ACTA2: variants seen among roughly 807,000 people sequenced by gnomAD.
ACTA2 encodes actin alpha 2, smooth muscle, also known as actin, aortic smooth muscle.
Under a neutral mutation model 39.5 loss-of-function variants are expected in ACTA2, and 12 were observed. That is an observed-to-expected ratio of 0.30 (90% CI 0.19 to 0.49). The LOEUF is 0.49. Among genes scored for constraint, ACTA2 ranks in the 20% least tolerant of loss-of-function variants. ACTA2 has a pLI of 0.99. For missense variants in ACTA2, 236 were observed against 498.8 expected, an observed-to-expected ratio of 0.47 and a Z score of 5.02; for synonymous variants, 158 against 180.6, an observed-to-expected ratio of 0.88 and a Z score of 1.00.
Position 88,938,106 on chromosome 10 carries a change from C to T in ACTA2, c.945G>A (p.Met315Ile), listed in dbSNP as rs746764871. 1.9e-6 allele frequency: 3 copies of T among 1,614,042 alleles called. No homozygotes were observed. The highest frequency in any genetic ancestry group is 1.1e-5 in the South Asian group (1 of 91,084). The change falls in exon 8 of 9, where the codon ATG becomes ATA. Residue 315 changes from methionine to isoleucine, a missense_variant. Transcript: ENST00000224784. Reference sequence around the variant, plus strand: ...GTGCTAGGGCCGTGATCTCCTTCTGCATTCGGTCGGCAATGCCAGGGTACA... The same window carrying T: ...GTGCTAGGGCCGTGATCTCCTTCTGTATTCGGTCGGCAATGCCAGGGTACA... Reference protein sequence around the residue: ...TTMYPGIADRMQKEITALAPS... With the variant: ...TTMYPGIADRIQKEITALAPS...
chr10:88,935,654 T>A (rs41284106), intron 8 of ACTA2: 1 of 376,346 alleles, frequency 2.7e-6, no homozygotes, highest in Non-Finnish European at 5.1e-6. Flanking sequence ...AATCCAGCCA[T>A]GGCCCCCACT....
At chr10:88,986,776 G>A (rs1926200) in intron 1 of ACTA2, among the ~76,000 whole-genome samples, 83,480 of 151,924 alleles carry the variant, frequency 0.55, 24,472 homozygotes, top group African/African-American at 0.77. Context: ...GGAAGTAGTG[G>A]AGGAAGGAAG....
At chr10:88,968,043 T>C (rs1246277853) in intron 1 of ACTA2, among the ~76,000 whole-genome samples, 11 of 152,200 alleles carry the variant, frequency 7.2e-5, no homozygotes, top group Non-Finnish European at 1.6e-4. Flanking sequence ...TAGAGTTTTC[T>C]ACTTGTGACC....
At chr10:88,949,934 A>T (rs1421824487) in intron 1 of ACTA2, among the ~76,000 whole-genome samples, 2 of 152,186 alleles carry the variant, frequency 1.3e-5, no homozygotes, top group African/African-American at 4.8e-5. Flanking sequence ...CTTTGGTAAT[A>T]AAACAAAATT....
intron 1 of ACTA2, among the ~76,000 whole-genome samples, chr10:88,988,911 A>G (rs1432775276): frequency 6.6e-6 from 1 of 152,188 alleles, no homozygotes. Context: ...TGACCATGAA[A>G]CATATGTCTC....
chr10:88,956,967 A>G (rs1846147595), upstream of ACTA2, among the ~76,000 whole-genome samples: 1 of 152,226 alleles, frequency 6.6e-6, no homozygotes, highest in Non-Finnish European at 1.5e-5. Flanking sequence ...TAATCCATTC[A>G]TGGAGGTGGA....
At chr10:88,974,234 G>A (rs1846513524) in intron 1 of ACTA2, 1 of 150,988 alleles carries the variant, frequency 6.6e-6, no homozygotes, top group Admixed American at 6.6e-5. Flanking sequence ...AATTTCATTT[G>A]GCTTGACTCT....
At chr10:88,955,320 C>T (rs1022694761), upstream of ACTA2, among the ~76,000 whole-genome samples, 19 of 152,124 alleles carry the variant, frequency 1.2e-4, no homozygotes, top group African/African-American at 4.3e-4. Context: ...CTGCTGGTGC[C>T]GAAAAATTGG....
intron 1 of ACTA2, among the ~76,000 whole-genome samples, chr10:88,985,677 T>C (rs1458257376): frequency 2.6e-5 from 4 of 152,334 alleles, no homozygotes; most frequent in Non-Finnish European, 5.9e-5. Flanking sequence ...TGGCACTAGA[T>C]GGGCTTGGGA....
At chr10:88,965,731 G>T (rs1447642325) in intron 1 of ACTA2, among the ~76,000 whole-genome samples, 1 of 152,096 alleles carries the variant, frequency 6.6e-6, no homozygotes, top group Non-Finnish European at 1.5e-5. Flanking sequence ...ATTTTCCCAG[G>T]GATTGCTGAG....
chr10:88,989,753 A>C (rs1847054936), intron 1 of ACTA2, among the ~76,000 whole-genome samples: 1 of 152,228 alleles, frequency 6.6e-6, no homozygotes, highest in African/African-American at 2.4e-5. Flanking sequence ...AATGGGTTGA[A>C]TCTAATTGGG....
intron 1 of ACTA2, among the ~76,000 whole-genome samples, chr10:88,985,435 C>G (rs7097293): frequency 0.99 from 150,811 of 152,368 alleles, 74,640 homozygotes; most frequent in East Asian, 1. Flanking sequence ...AGTCGACTAA[C>G]ATTGCCTTCT....
chr10:88,960,087 A>C (rs535300139), intron 1 of ACTA2, among the ~76,000 whole-genome samples: 3 of 152,206 alleles, frequency 2.0e-5, no homozygotes, highest in Non-Finnish European at 4.4e-5. Flanking sequence ...TTTTTCTGTC[A>C]GTATCTTCCA....
chr10:88,963,809 G>A (rs1846276295), intron 1 of ACTA2, among the ~76,000 whole-genome samples: 1 of 152,130 alleles, frequency 6.6e-6, no homozygotes, highest in Non-Finnish European at 1.5e-5. Context: ...TAAAGAACCA[G>A]GATGGGATGT....
intron 1 of ACTA2, among the ~76,000 whole-genome samples, chr10:88,986,274 T>C (rs1388368258): frequency 6.6e-6 from 1 of 152,182 alleles, no homozygotes; most frequent in African/African-American, 2.4e-5. Flanking sequence ...GGGGTAGGCA[T>C]GCTTCTCATG....
At chr10:88,989,748 G>T (rs769682146) in intron 1 of ACTA2, among the ~76,000 whole-genome samples, 8 of 152,228 alleles carry the variant, frequency 5.3e-5, no homozygotes, top group Non-Finnish European at 1.0e-4. Context: ...TTATTAATGG[G>T]TTGAATCTAA....
intron 1 of ACTA2, among the ~76,000 whole-genome samples, chr10:88,972,524 C>T (rs1846471223): frequency 6.6e-6 from 1 of 151,820 alleles, no homozygotes; most frequent in African/African-American, 2.4e-5. Context: ...TCTCTTTCTT[C>T]TCTCCTGCCT....
At chr10:88,943,959 C>T (rs765281839) in intron 3 of ACTA2, 52 bp from the exon 4 acceptor site, 15 of 1,534,606 alleles carry the variant, frequency 9.8e-6, no homozygotes, top group African/African-American at 1.4e-5. Flanking sequence ...GTCATGAGGT[C>T]CTGCATTTCC....
exon 1 of ACTA2, chr10:88,991,311 A>G (rs2133388984): frequency 2.8e-6 from 1 of 361,098 alleles, no homozygotes; most frequent in Middle Eastern, 8.7e-4. Context: ...GAACTCCTGG[A>G]CAAGCCCTGA....
Sources: gnomAD v4.1 joint callset for allele counts (sites outside exome capture counted in the v4.1 genomes callset) on GRCh38, gnomAD v4.1.1 for gene constraint, MANE v1.5 for transcripts, NCBI Gene and HGNC (gene_info 2026-07-23, HGNC 2026-07-21) for gene names.